The following FLT1 variants were observed in gnomAD, a reference collection of about 807,000 sequenced individuals.
FLT1 encodes the protein fms related receptor tyrosine kinase 1.
Under a neutral mutation model 156.3 loss-of-function variants are expected in FLT1, and 49 were observed. The ratio of observed to expected loss-of-function variants is 0.31; its 90% CI spans 0.25 to 0.40. The LOEUF is 0.40. FLT1 is among the 10% of genes least tolerant of loss of function. The probability of loss-of-function intolerance (pLI) is 1.00; values close to 1 mark genes in which losing one functional copy is unlikely to be tolerated. For missense variants in FLT1, 1,322 were observed against 1,637.2 expected (o/e 0.81, Z 3.32); for synonymous variants, 594 against 583.8 (o/e 1.02, Z -0.25).
intron 17 of FLT1, among the ~76,000 whole-genome samples, chr13:28,338,284 G>C (rs952051263): frequency 6.6e-6 from 1 of 152,138 alleles, no homozygotes; most frequent in Non-Finnish European, 1.5e-5. Flanking sequence ...TCCACACCGA[G>C]AGGGACAAGC....
At chr13:28,462,697 G>A (rs1057029077) in intron 3 of FLT1, among the ~76,000 whole-genome samples, 5 of 152,074 alleles carry the variant, frequency 3.3e-5, no homozygotes, top group African/African-American at 9.7e-5. Flanking sequence ...GGACCAAGTG[G>A]CCCCTTCCAG....
In FLT1 at chr13:28,494,934, C is replaced by T. The variant is rs1881683306; in HGVS notation, c.-91G>A. The T allele has an allele frequency of 3.9e-6, 4 of 1,027,878 alleles. No individual in the cohort carries two copies. In the South Asian group the frequency reaches 5.3e-5, roughly 14 times the overall value. The allele number at this position is 1,027,878 out of a possible 1,614,324, so 63.7% of individuals were successfully genotyped here. A position where few individuals can be genotyped will look rare whatever the true frequency, so the allele number is the denominator to read the frequency against. The stretch of plus-strand genomic sequence containing the variant: ...GAGTCCGTCCTCTCGTTCGCCGCCG[C>T]CGGCCCCGCGCCCTGAGCGCCCGTC... On this transcript the variant is annotated 5_prime_UTR_variant, in exon 1 of 30. Coordinates refer to ENST00000282397, the MANE Select transcript of FLT1 (RefSeq NM_002019.4).
At chr13:28,454,489 T>C (rs1879153006) in intron 3 of FLT1, among the ~76,000 whole-genome samples, 1 of 152,256 alleles carries the variant, frequency 6.6e-6, no homozygotes, top group Non-Finnish European at 1.5e-5. Context: ...TGTTGCCATC[T>C]CTGCCATACA....
chr13:28,409,811 C>G (rs1202968996), intron 10 of FLT1, among the ~76,000 whole-genome samples: 1 of 151,850 alleles, frequency 6.6e-6, no homozygotes, highest in Non-Finnish European at 1.5e-5. Flanking sequence ...GAAAAGACAT[C>G]TCAAATATTC....
intron 25 of FLT1, among the ~76,000 whole-genome samples, chr13:28,316,445 A>C (rs1037128665): frequency 3.9e-5 from 6 of 152,210 alleles, no homozygotes; most frequent in Admixed American, 1.3e-4. Context: ...CAGCAGCTCC[A>C]CAAAAGTGCA....
chr13:28,418,287 G>A (rs922399349), intron 10 of FLT1, among the ~76,000 whole-genome samples: 1 of 152,084 alleles, frequency 6.6e-6, no homozygotes, highest in Non-Finnish European at 1.5e-5. Context: ...GTCATCACTG[G>A]TTCTCAAAGA....
At chr13:28,385,584 T>C (rs1287198523) in intron 13 of FLT1, 4 of 1,014,982 alleles carry the variant, frequency 3.9e-6, no homozygotes, top group Non-Finnish European at 4.7e-6. Context: ...GTTCTTTCCT[T>C]TCTCCATTCC....
intron 12 of FLT1, among the ~76,000 whole-genome samples, chr13:28,390,421 G>A (rs546977251): frequency 6.6e-5 from 10 of 151,920 alleles, no homozygotes; most frequent in Non-Finnish European, 1.2e-4. Context: ...TTTGAATCAG[G>A]GTCTTGCTAT....
intron 3 of FLT1, among the ~76,000 whole-genome samples, chr13:28,449,834 T>G (rs906775199): frequency 6.6e-6 from 1 of 152,258 alleles, no homozygotes; most frequent in African/African-American, 2.4e-5. Context: ...TTGTTTGTTT[T>G]GCATTGCTTC....
intron 12 of FLT1, chr13:28,396,660 A>G (rs1432315589): frequency 4.1e-6 from 2 of 484,692 alleles, no homozygotes; most frequent in Admixed American, 3.1e-5. Context: ...TATGTACCAG[A>G]CCCTGTGCTA....
At chr13:28,392,391 C>T (rs1310062243) in intron 12 of FLT1, among the ~76,000 whole-genome samples, 1 of 152,156 alleles carries the variant, frequency 6.6e-6, no homozygotes, top group Non-Finnish European at 1.5e-5. Flanking sequence ...GGGCCATTTT[C>T]CAAGCATGAG....
At chr13:28,412,307 CTCTTTCTT>C (rs958476857) in intron 10 of FLT1, among the ~76,000 whole-genome samples, 2 of 53,564 alleles carry the variant, frequency 3.7e-5, no homozygotes, top group East Asian at 2.3e-3. Flanking sequence ...TTTTCTCTTT[CTCTTTCTT>C]TCTTTCTTTC....
At chr13:28,384,660 T>C (rs1236345784) in intron 14 of FLT1, among the ~76,000 whole-genome samples, 4 of 152,170 alleles carry the variant, frequency 2.6e-5, no homozygotes, top group African/African-American at 9.7e-5. Flanking sequence ...TCCAGCTGAA[T>C]AGATTCTGCA....
Position 28,427,265 on chromosome 13 carries a change from A to C in FLT1, c.1330T>G (p.Tyr444Asp). 1 of 1,614,046 alleles carries C rather than the reference A, an allele frequency of 6.2e-7. No homozygotes were observed. Among genetic ancestry groups the C allele is most frequent in the Non-Finnish European group, 8.5e-7 (1 of 1,179,912 alleles). ...AVSSFPDPAL[Y>D]PLGSRQILTC... is the part of the protein sequence containing the mutation. ...AGGATTTGTCTGCTGCCCAGTGGGT[A>C]GAGAGCCGGGTCTGGAAACGATGAC... is the stretch of plus-strand genomic sequence containing the variant. Residue 444 changes from tyrosine (Y) to aspartate (D), a missense_variant, in exon 10 of 30, where the codon TAC becomes GAC. Tyr to Asp is a radical substitution (Grantham distance 160). Around this residue, in one of 3 missense-constraint regions of FLT1, gnomAD observed 991 missense variants for 1,254.8 expected, o/e 0.79. Transcript: ENST00000282397.
At chr13:28,403,761 A>G (rs1028065753) in intron 11 of FLT1, among the ~76,000 whole-genome samples, 10 of 152,208 alleles carry the variant, frequency 6.6e-5, no homozygotes, top group African/African-American at 2.4e-4. Context: ...AAATATCTGA[A>G]GGCCGGGTGT....
rs903870195 is a variant in FLT1 at position 28,368,727 on chromosome 13, A to C, written c.2117-11042T>G. Reference sequence around the variant, plus strand: ...GCTTTTTTTTTTTTTTTTTTGAGACAGAGTTTTGCTCTTGTTGCCCAGGCT... The same window carrying C: ...GCTTTTTTTTTTTTTTTTTTGAGACCGAGTTTTGCTCTTGTTGCCCAGGCT... On this transcript the variant is annotated intron_variant, in intron 14 of 29. Transcript: ENST00000282397. 3.5e-5 allele frequency: 24 copies of C among 680,700 alleles called. No individual in the cohort carries two copies. The Admixed American group carries it at 3.8e-4, about 11-fold the overall frequency. 42.2% of individuals were successfully genotyped at this position (680,700 alleles called of 1,614,324 possible). A position where few individuals can be genotyped will look rare whatever the true frequency, so the allele number is the denominator to read the frequency against.
chr13:28,474,519 C>T (rs954845538), intron 1 of FLT1, among the ~76,000 whole-genome samples: 2 of 149,934 alleles, frequency 1.3e-5, no homozygotes, highest in Non-Finnish European at 2.9e-5. Flanking sequence ...CACACACACA[C>T]ACACAAACCC....
chr13:28,330,178 TG>T (rs1871868841), intron 18 of FLT1, among the ~76,000 whole-genome samples: 7 of 152,252 alleles, frequency 4.6e-5, no homozygotes, highest in Non-Finnish European at 8.8e-5. Context: ...GAATGGCTAC[TG>T]TTGTAAACAT....
At position 28,317,610 on chromosome 13, in the gene FLT1, A is replaced by G. The variant is rs369848408; in HGVS notation, c.3287-13T>C. ...TATGGAGACCCACCTGCGGGAGACA[A>G]TGTGGAAAACACAGGGCCTGTTATG... On this transcript the variant is annotated splice_polypyrimidine_tract_variant and intron_variant, in intron 24 of 29. Transcript: ENST00000282397. The G allele has an allele frequency of 8.2e-6, 13 of 1,582,016 alleles. No homozygotes were observed. The highest frequency in any genetic ancestry group is 1.0e-5 in the Non-Finnish European group (12 of 1,150,690).
Sources: allele counts gnomAD v4.1 joint callset (sites outside exome capture counted in the v4.1 genomes callset), GRCh38; gene constraint gnomAD v4.1.1; regional missense constraint gnomAD v4.1.1; transcripts MANE v1.5; gene names NCBI Gene and HGNC (gene_info 2026-07-23, HGNC 2026-07-21).